DGCR2: variants seen among roughly 807,000 people sequenced by gnomAD.
DGCR2 encodes the protein integral membrane protein DGCR2/IDD.
A neutral mutation model predicts 51.6 loss-of-function variants in DGCR2; 24 were observed. The observed-to-expected ratio is 0.47, with a 90% CI of 0.34 to 0.65. The LOEUF is 0.65. Ranked by LOEUF, DGCR2 falls within the 30% of genes least tolerant of loss-of-function variation. DGCR2 has a pLI of 0.01. For synonymous variants in DGCR2, 340 were observed against 315.4 expected, an observed-to-expected ratio of 1.08 and a Z score of -0.82; for missense variants, 765 against 772.1, an observed-to-expected ratio of 0.99 and a Z score of 0.11.
At chr22:19,120,163 G>A (rs927533393) in intron 1 of DGCR2, among the ~76,000 whole-genome samples, 4 of 152,186 alleles carry the variant, frequency 2.6e-5, no homozygotes, top group Admixed American at 1.3e-4. Context: ...TGCAGCTCCC[G>A]GGTTCTGCAG....
At chr22:19,083,955 T>C (rs914083437) in intron 2 of DGCR2, among the ~76,000 whole-genome samples, 1 of 152,160 alleles carries the variant, frequency 6.6e-6, no homozygotes, top group Admixed American at 6.5e-5. Flanking sequence ...CTCCTAACCT[T>C]GAGTGATCCG....
At chr22:19,102,165 G>C (rs1019131699) in intron 1 of DGCR2, among the ~76,000 whole-genome samples, 1 of 152,332 alleles carries the variant, frequency 6.6e-6, no homozygotes, top group East Asian at 1.9e-4. Flanking sequence ...AAAGAAGACA[G>C]ACACAAAAGA....
intron 6 of DGCR2, among the ~76,000 whole-genome samples, chr22:19,056,713 TAAC>T (rs1290693536): frequency 1.3e-5 from 2 of 151,986 alleles, no homozygotes. Context: ...TTTACTCTCT[TAAC>T]AACACTGCAA....
intron 2 of DGCR2, among the ~76,000 whole-genome samples, chr22:19,070,259 C>A (rs1271258320): frequency 1.3e-5 from 2 of 152,218 alleles, no homozygotes; most frequent in East Asian, 3.8e-4. Flanking sequence ...ACCTGAGCTT[C>A]TGGGCCTGAG....
chr22:19,057,137 TG>T lies in DGCR2; in HGVS notation c.650del (p.Pro217GlnfsTer78). On this transcript the variant is annotated frameshift_variant, in exon 6 of 10. Coordinates refer to ENST00000263196, the MANE Select transcript of DGCR2 (RefSeq NM_005137.3). LOFTEE classifies it high-confidence loss of function. This position sits in a 1 kb window ranked among gnomAD's most constrained non-coding sequence, Gnocchi z 5.1. The part of the protein sequence containing the change: ...FKGSSEVFLP[P>X]DPIFASAMSE... Reference sequence around the variant, plus strand: ...ACATGGCCGAGGCAAAGATGGGGTCTGGGGGCAGGAACACCTCTGAAGAGCC... The same window carrying T: ...ACATGGCCGAGGCAAAGATGGGGTCTGGGGCAGGAACACCTCTGAAGAGCC... The T allele has an allele frequency of 1.2e-6, 2 of 1,607,802 alleles. No homozygotes were observed. Among genetic ancestry groups the T allele is most frequent in the Admixed American group, 1.7e-5 (1 of 58,970 alleles).
In DGCR2 at chr22:19,037,803, C is replaced by T. The variant is rs2082387095; in HGVS notation, c.*1062G>A. Reference sequence around the variant, plus strand: ...GGGTGCCAGGAAGGGCCCCCAGCCCCTGCGCTGCTGAGGAGGGGCCGGGAG... The same window carrying T: ...GGGTGCCAGGAAGGGCCCCCAGCCCTTGCGCTGCTGAGGAGGGGCCGGGAG... On this transcript the variant is annotated 3_prime_UTR_variant, in exon 10 of 10. Coordinates refer to ENST00000263196, the MANE Select transcript of DGCR2 (RefSeq NM_005137.3). 6.6e-6 allele frequency: 1 copy of T among 152,586 alleles called. No homozygotes were observed. The highest frequency in any genetic ancestry group is 2.4e-5 in the African/African-American group (1 of 41,464). The allele number at this position is 152,586 out of a possible 1,614,324, so 9.5% of individuals were successfully genotyped here.
At chr22:19,065,808 G>A (rs1216733719) in intron 3 of DGCR2, 1 of 152,206 alleles carries the variant, frequency 6.6e-6, no homozygotes, top group Admixed American at 6.5e-5. Context: ...TCAAATGTTG[G>A]GTACCTCATA....
Position 19,048,643 on chromosome 22 carries a change from C to T in DGCR2, c.803G>A (p.Ser268Asn). ...GTCCTTGATGTCAACACATGTTTGA[C>T]CTGCAATGAGCATACATTGTGTACA... is the stretch of plus-strand genomic sequence containing the variant. Reference protein sequence around the residue: ...YEKSSFLCKRSQTCVDIKDNV... With the variant: ...YEKSSFLCKRNQTCVDIKDNV... Residue 268 changes from serine to asparagine, a missense_variant and splice_region_variant, in exon 7 of 10, where the codon AGT becomes AAT. Coordinates refer to ENST00000263196, the MANE Select transcript of DGCR2 (RefSeq NM_005137.3). 1.2e-6 allele frequency: 2 copies of T among 1,614,182 alleles called. No individual in the cohort carries two copies. Among genetic ancestry groups the T allele is most frequent in the Non-Finnish European group, 1.7e-6 (2 of 1,180,002 alleles).
intron 9 of DGCR2, among the ~76,000 whole-genome samples, chr22:19,039,633 C>T (rs952101733): frequency 6.6e-6 from 1 of 152,320 alleles, no homozygotes. Flanking sequence ...GAAAACCACA[C>T]AGGTGTTTGC....
chr22:19,100,810 A>C (rs2083193385), intron 1 of DGCR2, among the ~76,000 whole-genome samples: 1 of 152,204 alleles, frequency 6.6e-6, no homozygotes, highest in Non-Finnish European at 1.5e-5. Context: ...CAGAAATTAA[A>C]ACTGAGAAAT....
Position 19,036,524 on chromosome 22 carries a change from A to C in DGCR2, c.*2341T>G, listed in dbSNP as rs1569029002. On this transcript the variant is annotated 3_prime_UTR_variant, in exon 10 of 10. Coordinates refer to ENST00000263196, the MANE Select transcript of DGCR2 (RefSeq NM_005137.3). ...GGAGGACCCCTGGAGCACAAGGTTC[A>C]GCAAGGGTGACCCCGGGACTTGCTG... 6.6e-6 allele frequency: 1 copy of C among 152,498 alleles called. No individual in the cohort carries two copies. The highest frequency in any genetic ancestry group is 1.5e-5 in the Non-Finnish European group (1 of 68,100). The allele number at this position is 152,498 out of a possible 1,614,324, so 9.4% of individuals were successfully genotyped here.
rs1376737079 is a variant in DGCR2 at position 19,113,989 on chromosome 22, G to A, written c.79+8139C>T. ...CAGCATAATCACTTGAACCCAGGAA[G>A]TGGAGGTTGCAGTGAGCTGAGATTG... On this transcript the variant is annotated intron_variant, in intron 1 of 9. Coordinates refer to ENST00000263196, the MANE Select transcript of DGCR2 (RefSeq NM_005137.3). Among the ~76,000 whole-genome samples the A allele has an allele frequency of 2.7e-5, 4 of 150,536 alleles. No individual in the cohort carries two copies. The East Asian group carries it at 5.9e-4, about 22-fold the overall frequency.
chr22:19,071,994 CT>C (rs2082821056), intron 2 of DGCR2, among the ~76,000 whole-genome samples: 3 of 152,078 alleles, frequency 2.0e-5, no homozygotes, highest in Non-Finnish European at 4.4e-5. Flanking sequence ...GTTTATTGCA[CT>C]ATGATTATGA....
chr22:19,063,158 ACT>A (rs758296979), intron 5 of DGCR2, 42 bp downstream of exon 5: 22 of 1,576,254 alleles, frequency 1.4e-5, no homozygotes, highest in Non-Finnish European at 1.8e-5. Flanking sequence ...AATCAGGGTG[ACT>A]CTGCCCAGCT....
chr22:19,097,922 G>A (rs899914621), intron 1 of DGCR2, among the ~76,000 whole-genome samples: 4 of 152,080 alleles, frequency 2.6e-5, no homozygotes, highest in African/African-American at 7.2e-5. Context: ...TGAGAAAGGG[G>A]AGCAACACCC....
intron 2 of DGCR2, among the ~76,000 whole-genome samples, chr22:19,087,312 A>T (rs1569074005): frequency 6.6e-6 from 1 of 152,208 alleles, no homozygotes; most frequent in African/African-American, 2.4e-5. Flanking sequence ...GGAAAGGCAA[A>T]CACCTCTACC....
intron 2 of DGCR2, among the ~76,000 whole-genome samples, chr22:19,088,743 A>G (rs905185537): frequency 1.3e-5 from 2 of 152,072 alleles, no homozygotes; most frequent in Admixed American, 6.6e-5. Context: ...TACACCTCCC[A>G]CCCAACCAAA....
At chr22:19,069,348 A>G (rs1010373241) in intron 2 of DGCR2, among the ~76,000 whole-genome samples, 6 of 152,238 alleles carry the variant, frequency 3.9e-5, no homozygotes, top group African/African-American at 1.4e-4. Flanking sequence ...AGTGTCATAG[A>G]CTTTGCAATG....
chr22:19,068,156 C>T lies in DGCR2; in HGVS notation c.272G>A (p.Gly91Glu). The change falls in exon 3 of 10, where the codon GGA (glycine) becomes GAA (glutamate). Residue 91 changes from glycine to glutamate, a missense_variant. By Grantham distance (98) the Gly-to-Glu change is moderately conservative (BLOSUM62 -2). This residue lies in a region of DGCR2 where 370 missense variants were observed against 325.5 expected (regional missense o/e 1.14). Coordinates refer to ENST00000263196, the MANE Select transcript of DGCR2 (RefSeq NM_005137.3). The part of the protein sequence containing the change: ...AVDPRQGRAR[G>E]GDPSHFHAVN... ...CGCGTGGAAGTGCGAAGGGTCGCCT[C>T]CTCTGGCCCGCCCCTGCCGCGGATC... The T allele has an allele frequency of 6.2e-7, 1 of 1,611,524 alleles. No individual in the cohort carries two copies.
Sources: allele counts gnomAD v4.1 joint callset (sites outside exome capture counted in the v4.1 genomes callset), GRCh38; gene constraint gnomAD v4.1.1; regional missense constraint gnomAD v4.1.1; non-coding constraint Gnocchi (gnomAD v3.1); transcripts MANE v1.5; gene names NCBI Gene and HGNC (gene_info 2026-07-23, HGNC 2026-07-21).